Variants in CNTNAP4 observed in about 807,000 individuals in gnomAD.
The protein encoded by CNTNAP4 is contactin associated protein family member 4.
In CNTNAP4, 98 loss-of-function variants were observed where a neutral mutation model predicts 148.4. The observed-to-expected ratio is 0.66, with a 90% CI of 0.56 to 0.78. The LOEUF is 0.78. Among genes scored for constraint, CNTNAP4 ranks in the 30% least tolerant of loss-of-function variants. CNTNAP4 has a pLI of 0.00. For synonymous variants in CNTNAP4, 730 were observed against 565.1 expected, an observed-to-expected ratio of 1.29 and a Z score of -4.14; for missense variants, 1,935 against 1,565.6, an observed-to-expected ratio of 1.24 and a Z score of -3.98.
chr16:76,441,407 C>T (rs2080033604), intron 4 of CNTNAP4, among the ~76,000 whole-genome samples: 1 of 152,094 alleles, frequency 6.6e-6, no homozygotes, highest in Non-Finnish European at 1.5e-5. Flanking sequence ...GATTGTATTT[C>T]TGAATTGTGT....
chr16:76,296,374 G>C (rs1223249145), intron 1 of CNTNAP4, among the ~76,000 whole-genome samples: 1 of 152,132 alleles, frequency 6.6e-6, no homozygotes, highest in African/African-American at 2.4e-5. Context: ...CCTTATGATA[G>C]AAGACTGAAT....
intron 3 of CNTNAP4, among the ~76,000 whole-genome samples, chr16:76,362,938 T>C (rs1219686982): frequency 6.6e-6 from 1 of 151,724 alleles, no homozygotes; most frequent in Non-Finnish European, 1.5e-5. Flanking sequence ...GAATACACAA[T>C]GGGGGCCAGG....
In CNTNAP4 at chr16:76,502,370, CTTTTT is replaced by C. The variant is rs199615956; in HGVS notation, c.2365+3689_2365+3693del. Among the ~76,000 whole-genome samples the C allele has an allele frequency of 4.1e-3, 531 of 130,924 alleles. 2 individuals carry two copies. Among genetic ancestry groups the C allele is most frequent in the African/African-American group, 0.014 (509 of 36,214 alleles). 85.9% of individuals were successfully genotyped at this position (130,924 alleles called of 152,430 possible). On this transcript the variant is annotated intron_variant, in intron 15 of 23. Coordinates refer to ENST00000611870, the MANE Select transcript of CNTNAP4 (RefSeq NM_033401.5). The stretch of plus-strand genomic sequence containing the variant: ...CACTTAAGTTACAACGCCATAGGTA[CTTTTT>C]TTTTTTTTTTTTCATTTCCAAGTGA...
At chr16:76,446,783 T>C (rs1192711042) in intron 4 of CNTNAP4, among the ~76,000 whole-genome samples, 1 of 152,130 alleles carries the variant, frequency 6.6e-6, no homozygotes, top group Admixed American at 6.6e-5. Context: ...CAAGGCGGCA[T>C]TTGATGAGTC....
At chr16:76,523,405 C>T (rs1402182301) in intron 17 of CNTNAP4, among the ~76,000 whole-genome samples, 1 of 151,888 alleles carries the variant, frequency 6.6e-6, no homozygotes, top group Non-Finnish European at 1.5e-5. Context: ...TTCTGGTCAC[C>T]TTCTTAATAT....
At chr16:76,362,580 A>G (rs1212757128) in intron 3 of CNTNAP4, among the ~76,000 whole-genome samples, 1 of 152,258 alleles carries the variant, frequency 6.6e-6, no homozygotes, top group African/African-American at 2.4e-5. Context: ...ATAAAACAGC[A>G]TAAAGTCCAG....
rs560847085 is a variant in CNTNAP4, at chr16:76,505,662, G to A, written c.2365+6968G>A. On this transcript the variant is annotated intron_variant, in intron 15 of 23. Transcript: ENST00000611870. ...TAATATATTTTAATAAGTAATAAAT[G>A]ATGTCTTATTCAACACATCTGACTG... is the stretch of plus-strand genomic sequence containing the variant. Among the ~76,000 whole-genome samples, 630 of 97,632 alleles carry A rather than the reference G, an allele frequency of 6.5e-3. 103 individuals carry two copies. The highest frequency in any genetic ancestry group is 0.015 in the African/African-American group (597 of 38,968). 64.1% of individuals were successfully genotyped at this position (97,632 alleles called of 152,430 possible).
At chr16:76,374,988 C>A (rs2015269881) in intron 3 of CNTNAP4, among the ~76,000 whole-genome samples, 1 of 151,756 alleles carries the variant, frequency 6.6e-6, no homozygotes, top group African/African-American at 2.4e-5. Context: ...AGGCTGGTCT[C>A]GAACTCCTGA....
chr16:76,490,592 C>G (rs2082182712), intron 13 of CNTNAP4, among the ~76,000 whole-genome samples: 3 of 152,192 alleles, frequency 2.0e-5, no homozygotes, highest in African/African-American at 7.2e-5. Flanking sequence ...CTCTTCACAT[C>G]TTCTAACCAT....
At chr16:76,557,213 T>G (rs2085233701) in intron 23 of CNTNAP4, among the ~76,000 whole-genome samples, 1 of 152,168 alleles carries the variant, frequency 6.6e-6, no homozygotes, top group South Asian at 2.1e-4. Flanking sequence ...AAAACTTGAA[T>G]TTTATCTTTC....
intron 6 of CNTNAP4, 109 bp from the exon 7 acceptor site, chr16:76,449,606 T>A (rs760416068): frequency 2.7e-5 from 24 of 901,670 alleles, no homozygotes; most frequent in Non-Finnish European, 3.8e-5. Flanking sequence ...TGTAGGGTTA[T>A]GAAAAATTGA....
intron 1 of CNTNAP4, among the ~76,000 whole-genome samples, chr16:76,291,300 A>G (rs1215453289): frequency 6.6e-6 from 1 of 152,138 alleles, no homozygotes; most frequent in Non-Finnish European, 1.5e-5. Context: ...CTGAAGTTGA[A>G]TCCTGGTTCA....
At position 76,449,834 on chromosome 16, in the gene CNTNAP4, G is replaced by A. The variant is rs750044645; in HGVS notation, c.1047G>A (p.Gln349=). 1.6e-5 allele frequency: 25 copies of A among 1,607,234 alleles called. No individual in the cohort carries two copies. Among genetic ancestry groups the A allele is most frequent in the African/African-American group, 1.2e-4 (9 of 74,664 alleles). ...NGVDIIDLAK[Q]QKPQIIAMGN... ...TGGATATCATTGATTTGGCCAAGCA[G>A]CAAAAACCACAGATCATTGCTATGG... Residue 349 remains glutamine, a synonymous_variant, in exon 7 of 24, where the codon CAG becomes CAA. Coordinates refer to ENST00000611870, the MANE Select transcript of CNTNAP4 (RefSeq NM_033401.5).
intron 11 of CNTNAP4, among the ~76,000 whole-genome samples, chr16:76,476,660 A>G (rs531849847): frequency 1.3e-5 from 2 of 152,260 alleles, no homozygotes; most frequent in South Asian, 4.1e-4. Context: ...ATAGACTTCC[A>G]TCTTCTCACT....
At chr16:76,375,733 A>G (rs1268596143) in intron 3 of CNTNAP4, among the ~76,000 whole-genome samples, 1 of 152,150 alleles carries the variant, frequency 6.6e-6, no homozygotes, top group Non-Finnish European at 1.5e-5. Context: ...TCTGCAGGGA[A>G]GTTTACATTG....
chr16:76,390,114 T>G, intron 3 of CNTNAP4, among the ~76,000 whole-genome samples: 1 of 152,166 alleles, frequency 6.6e-6, no homozygotes, highest in East Asian at 1.9e-4. Context: ...TATTTATCCA[T>G]CATCTCCAGG....
chr16:76,449,821 A>T lies in CNTNAP4; in HGVS notation c.1034A>T (p.Asp345Val). 1 of 1,608,476 alleles carries T rather than the reference A, an allele frequency of 6.2e-7. No individual in the cohort carries two copies. The highest frequency in any genetic ancestry group is 8.5e-7 in the Non-Finnish European group (1 of 1,177,542). ...TATTATAATGGAGTGGATATCATTG[A>T]TTTGGCCAAGCAGCAAAAACCACAG... ...NLYYNGVDII[D>V]LAKQQKPQII... The change falls in exon 7 of 24, where the codon GAT (aspartate) becomes GTT (valine). Residue 345 changes from aspartate (D) to valine (V), a missense_variant. Transcript: ENST00000611870.
intron 21 of CNTNAP4, among the ~76,000 whole-genome samples, chr16:76,548,694 A>G (rs897873359): frequency 2.6e-5 from 4 of 152,064 alleles, no homozygotes; most frequent in African/African-American, 9.7e-5. Context: ...GTTAAGGATT[A>G]TTATCACAAG....
intron 10 of CNTNAP4, among the ~76,000 whole-genome samples, chr16:76,468,111 A>G (rs1051364640): frequency 6.6e-6 from 1 of 152,196 alleles, no homozygotes; most frequent in Non-Finnish European, 1.5e-5. Flanking sequence ...TTTCAACAAG[A>G]GCATCAGTAC....
Sources: gnomAD v4.1 joint callset for allele counts (sites outside exome capture counted in the v4.1 genomes callset) on GRCh38, gnomAD v4.1.1 for gene constraint, MANE v1.5 for transcripts, NCBI Gene and HGNC (gene_info 2026-07-23, HGNC 2026-07-21) for gene names.